DPY19L4: variants seen among roughly 807,000 people sequenced by gnomAD.
The protein encoded by DPY19L4 is probable C-mannosyltransferase DPY19L4.
A neutral mutation model predicts 102.8 loss-of-function variants in DPY19L4; 97 were observed. That is an observed-to-expected ratio of 0.94 (90% CI 0.80 to 1.12). The LOEUF (loss-of-function observed/expected upper bound fraction) is 1.12, where lower values mean the gene tolerates loss of function less well. Ranked by LOEUF, DPY19L4 falls within the 50% of genes most tolerant of loss-of-function variation. The pLI is 0.00. For missense variants in DPY19L4, 815 were observed against 850.4 expected, an observed-to-expected ratio of 0.96 and a Z score of 0.52; for synonymous variants, 252 against 283.1, an observed-to-expected ratio of 0.89 and a Z score of 1.10.
chr8:94,785,775 C>T lies in DPY19L4; in HGVS notation c.1848+1973C>T, dbSNP rs1231227718. On this transcript the variant is annotated intron_variant, in intron 17 of 18. Coordinates refer to ENST00000414645, the MANE Select transcript of DPY19L4 (RefSeq NM_181787.3). ...CCATCTCTGATGAGTATTTGCTGCA[C>T]CTCCAAAAGATAGAGTTGCTTAGGC... Among the ~76,000 whole-genome samples the T allele has an allele frequency of 7.2e-5, 11 of 152,134 alleles. No homozygotes were observed. In the South Asian group the frequency reaches 2.3e-3, roughly 32 times the overall value.
At chr8:94,771,194 C>T (rs1397480847) in intron 13 of DPY19L4, among the ~76,000 whole-genome samples, 4 of 152,082 alleles carry the variant, frequency 2.6e-5, no homozygotes, top group Admixed American at 6.5e-5. Context: ...GGATTACAGG[C>T]GTGAGCCACC....
chr8:94,770,947 C>T (rs1298658819), intron 13 of DPY19L4, among the ~76,000 whole-genome samples: 1 of 148,512 alleles, frequency 6.7e-6, no homozygotes, highest in Non-Finnish European at 1.5e-5. Flanking sequence ...TAGAATCTCG[C>T]TCTGTCACCC....
At chr8:94,774,436 T>A (rs888796262) in intron 13 of DPY19L4, among the ~76,000 whole-genome samples, 3 of 152,202 alleles carry the variant, frequency 2.0e-5, no homozygotes, top group African/African-American at 7.2e-5. Flanking sequence ...TTCAGCAGTG[T>A]TTAGTATATT....
intron 2 of DPY19L4, among the ~76,000 whole-genome samples, chr8:94,734,183 C>T (rs974862414): frequency 1.3e-5 from 2 of 151,634 alleles, no homozygotes; most frequent in South Asian, 4.2e-4. Flanking sequence ...CTCAGCCTCC[C>T]GAGTAGCTGG....
chr8:94,776,780 C>G (rs6471488), intron 13 of DPY19L4, among the ~76,000 whole-genome samples: 32,977 of 151,400 alleles, frequency 0.22, 4,815 homozygotes, highest in African/African-American at 0.41. Flanking sequence ...GCCTGGCCAA[C>G]ACGGTGAAAC....
At chr8:94,789,508 T>C (rs926608857) in intron 18 of DPY19L4, among the ~76,000 whole-genome samples, 1 of 152,202 alleles carries the variant, frequency 6.6e-6, no homozygotes, top group African/African-American at 2.4e-5. Context: ...GGATTAAATC[T>C]TTTAAAAATT....
chr8:94,757,194 A>G (rs1011020896), intron 7 of DPY19L4, among the ~76,000 whole-genome samples: 1 of 152,210 alleles, frequency 6.6e-6, no homozygotes, highest in African/African-American at 2.4e-5. Context: ...TCCAGGAAAC[A>G]GGATGCACTT....
At chr8:94,728,154 G>T (rs1166807917) in intron 2 of DPY19L4, among the ~76,000 whole-genome samples, 1 of 152,110 alleles carries the variant, frequency 6.6e-6, no homozygotes, top group African/African-American at 2.4e-5. Flanking sequence ...TAGAAACGGG[G>T]TTTCACCATG....
chr8:94,741,603 G>A (rs1293894147), intron 6 of DPY19L4, among the ~76,000 whole-genome samples: 1 of 152,084 alleles, frequency 6.6e-6, no homozygotes, highest in East Asian at 1.9e-4. Context: ...TCTTTTCTAA[G>A]CATCTTTCTG....
chr8:94,734,678 C>T lies in DPY19L4; in HGVS notation c.176C>T (p.Ala59Val), dbSNP rs147410800. ...FAKIFIGCLA[A>V]VTSGMMYALY... ...AAGATTTTCATTGGCTGTCTTGCAGCGGTTACTAGTGGTATGATGTATGCT... is the reference window on the plus strand; with the variant it reads ...AAGATTTTCATTGGCTGTCTTGCAGTGGTTACTAGTGGTATGATGTATGCT... The change falls in exon 3 of 19, where the codon GCG (alanine) becomes GTG (valine). Residue 59 changes from alanine (A) to valine (V), a missense_variant. Physicochemically the swap from Ala to Val is moderately conservative, Grantham distance 64 (BLOSUM62 0). Transcript: ENST00000414645. The T allele has an allele frequency of 6.3e-5, 101 of 1,613,962 alleles. 1 individual carries two copies. The Admixed American group carries it at 8.2e-4, about 13-fold the overall frequency.
intron 6 of DPY19L4, 34 bp from the exon 7 acceptor site, chr8:94,756,002 C>A: frequency 1.3e-6 from 2 of 1,578,510 alleles, no homozygotes; most frequent in South Asian, 1.1e-5. Flanking sequence ...AATATAATGT[C>A]TTATTTTTAC....
At chr8:94,763,390 G>A (rs2130880750) in intron 8 of DPY19L4, among the ~76,000 whole-genome samples, 1 of 150,818 alleles carries the variant, frequency 6.6e-6, no homozygotes, top group East Asian at 1.9e-4. Flanking sequence ...ACCCAGGCTG[G>A]AGTGCAGTGG....
intron 11 of DPY19L4, among the ~76,000 whole-genome samples, chr8:94,767,027 G>A (rs568104029): frequency 6.7e-6 from 1 of 148,584 alleles, no homozygotes; most frequent in Non-Finnish European, 1.5e-5. Flanking sequence ...CCAAGATCAC[G>A]CCAGTGCACC....
At chr8:94,773,461 AGT>A (rs1338551369) in intron 13 of DPY19L4, among the ~76,000 whole-genome samples, 3 of 151,908 alleles carry the variant, frequency 2.0e-5, no homozygotes, top group African/African-American at 7.3e-5. Context: ...TTTGAAACAG[AGT>A]CTTTGTCGCC....
At chr8:94,731,154 A>G (rs965883675) in intron 2 of DPY19L4, among the ~76,000 whole-genome samples, 2 of 152,034 alleles carry the variant, frequency 1.3e-5, no homozygotes, top group African/African-American at 2.4e-5. Context: ...AGTAGGATTA[A>G]TTTGTCATTG....
At position 94,777,763 on chromosome 8, in the gene DPY19L4, A is replaced by G. The variant is rs1813252502; in HGVS notation, c.1552A>G (p.Arg518Gly). Residue 518 changes from arginine to glycine, a missense_variant, in exon 14 of 19, where the codon AGA becomes GGA. Physicochemically the swap from Arg to Gly is moderately radical, Grantham distance 125 (BLOSUM62 -2). Transcript: ENST00000414645. Reference protein sequence around the residue: ...WMTLFKWLRLRTVHPILLALI... With the variant: ...WMTLFKWLRLGTVHPILLALI... ...GACACTTTTCAAGTGGCTTCGATTA[A>G]GAACTGTACACCCAATATTGTTGGT... 1.9e-6 allele frequency: 3 copies of G among 1,613,736 alleles called. No homozygotes were observed. Among genetic ancestry groups the G allele is most frequent in the Non-Finnish European group, 2.5e-6 (3 of 1,179,916 alleles).
chr8:94,778,425 A>G (rs1179797502), intron 14 of DPY19L4, among the ~76,000 whole-genome samples: 2 of 152,112 alleles, frequency 1.3e-5, no homozygotes, highest in African/African-American at 2.4e-5. Context: ...TCTGCCTGCT[A>G]TGTGCTTGGG....
intron 6 of DPY19L4, among the ~76,000 whole-genome samples, chr8:94,743,110 C>T (rs1811518276): frequency 1.3e-5 from 2 of 152,098 alleles, no homozygotes; most frequent in East Asian, 1.9e-4. Context: ...TCACTGCAAC[C>T]TCTGCCTCCC....
chr8:94,738,463 T>C lies in DPY19L4; in HGVS notation c.343+4T>C, dbSNP rs754830811. 2.0e-6 allele frequency: 3 copies of C among 1,474,572 alleles called. No homozygotes were observed. The South Asian group carries it at 4.0e-5, about 20-fold the overall frequency. The allele number at this position is 1,474,572 out of a possible 1,614,324, so 91.3% of individuals were successfully genotyped here. A position where few individuals can be genotyped will look rare whatever the true frequency, so the allele number is the denominator to read the frequency against. On this transcript the variant is annotated splice_donor_region_variant and intron_variant, in intron 4 of 18. Transcript: ENST00000414645. ...AAGGCACCTTCATTTGAAAGAGGTA[T>C]GATAATCACAGTTATATTTTTAATA...
Sources: allele counts gnomAD v4.1 joint callset (sites outside exome capture counted in the v4.1 genomes callset), GRCh38; gene constraint gnomAD v4.1.1; transcripts MANE v1.5; gene names NCBI Gene and HGNC (gene_info 2026-07-23, HGNC 2026-07-21).